The following RBMS3 variants were observed in gnomAD, a reference collection of about 807,000 sequenced individuals.
RBMS3 encodes RNA binding motif single stranded interacting protein 3, also known as RNA-binding motif, single-stranded-interacting protein 3.
RBMS3 carries 27 observed loss-of-function variants against 66.8 expected under a neutral mutation model. The observed-to-expected ratio is 0.40, with a 90% confidence interval of 0.30 to 0.56. The LOEUF is 0.56. Ranked by LOEUF, RBMS3 falls within the 20% of genes least tolerant of loss-of-function variation. The probability of loss-of-function intolerance (pLI) is 0.40; values close to 1 mark genes in which losing one functional copy is unlikely to be tolerated. For synonymous variants in RBMS3, 188 were observed against 183.0 expected (o/e 1.03, Z -0.22); for missense variants, 513 against 549.5 (o/e 0.93, Z 0.66).
intron 6 of RBMS3, among the ~76,000 whole-genome samples, chr3:29,790,293 A>G (rs1005085260): frequency 6.6e-6 from 1 of 152,198 alleles, no homozygotes; most frequent in Non-Finnish European, 1.5e-5. Context: ...TATAAAGGTT[A>G]AATCTCATAT....
At position 29,735,277 on chromosome 3, in the gene RBMS3, T is replaced by G. The variant is rs181499368; in HGVS notation, c.400-4443T>G. Among the ~76,000 whole-genome samples, 12 of 152,236 alleles carry G rather than the reference T, an allele frequency of 7.9e-5. No individual in the cohort carries two copies. The East Asian group carries it at 2.1e-3, about 27-fold the overall frequency. On this transcript the variant is annotated intron_variant, in intron 4 of 14. Coordinates refer to ENST00000383767, the MANE Select transcript of RBMS3 (RefSeq NM_001003793.3). Reference sequence around the variant, plus strand: ...TCTGATTTTGACAGCATACATACACTAAAAACCTGAGAAAAAGGAAGTCAT... The same window carrying G: ...TCTGATTTTGACAGCATACATACACGAAAAACCTGAGAAAAAGGAAGTCAT...
intron 1 of RBMS3, among the ~76,000 whole-genome samples, chr3:29,292,945 T>C (rs1304018431): frequency 1.3e-5 from 2 of 151,870 alleles, no homozygotes; most frequent in East Asian, 3.9e-4. Flanking sequence ...TAATTTGATG[T>C]GGAGGGGTCC....
At position 29,368,808 on chromosome 3, in the gene RBMS3, A is replaced by C. The variant is rs1301551652; in HGVS notation, c.76-65935A>C. Among the ~76,000 whole-genome samples the C allele has an allele frequency of 2.0e-5, 3 of 152,180 alleles. No homozygotes were observed. The East Asian group carries it at 5.8e-4, about 29-fold the overall frequency. On this transcript the variant is annotated intron_variant, in intron 1 of 14. Transcript: ENST00000383767. ...AAAGAGAAATACCATTCGACCCAGC[A>C]ATCCCATTACTGAGTATATACCCAA...
intron 1 of RBMS3, among the ~76,000 whole-genome samples, chr3:29,389,787 A>G (rs999154006): frequency 6.6e-6 from 1 of 152,076 alleles, no homozygotes; most frequent in Non-Finnish European, 1.5e-5. Flanking sequence ...ACTAAATGGA[A>G]GTTGTAGTTT....
chr3:29,776,565 G>C (rs954658780), intron 6 of RBMS3, among the ~76,000 whole-genome samples: 2 of 151,936 alleles, frequency 1.3e-5, no homozygotes, highest in African/African-American at 4.8e-5. Context: ...TCCTTTACAA[G>C]TGTTTCTAGA....
At chr3:29,323,667 G>A (rs1312109309) in intron 1 of RBMS3, among the ~76,000 whole-genome samples, 1 of 139,130 alleles carries the variant, frequency 7.2e-6, no homozygotes, top group Non-Finnish European at 1.5e-5. Flanking sequence ...TCTGATATTG[G>A]ACACATACAG....
chr3:29,619,975 T>C (rs995603275), intron 4 of RBMS3, among the ~76,000 whole-genome samples: 1 of 152,086 alleles, frequency 6.6e-6, no homozygotes, highest in Admixed American at 6.6e-5. Context: ...ATTGTATTTA[T>C]TGAAAGCTTG....
chr3:29,952,535 A>T (rs1400081266), intron 12 of RBMS3, among the ~76,000 whole-genome samples: 1 of 151,850 alleles, frequency 6.6e-6, no homozygotes, highest in Non-Finnish European at 1.5e-5. Flanking sequence ...TTTTAATTAC[A>T]TATTATGTCT....
intron 14 of RBMS3, among the ~76,000 whole-genome samples, chr3:29,992,473 C>G (rs538561264): frequency 4.1e-4 from 62 of 152,146 alleles, no homozygotes; most frequent in South Asian, 1.7e-3. Context: ...TGTAGTCCCA[C>G]CTACTCTGGG....
chr3:29,317,331 A>T (rs1398579069), intron 1 of RBMS3, among the ~76,000 whole-genome samples: 2 of 151,696 alleles, frequency 1.3e-5, no homozygotes, highest in Non-Finnish European at 2.9e-5. Context: ...TCCAGATAGG[A>T]TATTCTTTAG....
intron 4 of RBMS3, among the ~76,000 whole-genome samples, chr3:29,684,967 C>T (rs1340185300): frequency 6.6e-6 from 1 of 151,924 alleles, no homozygotes; most frequent in Non-Finnish European, 1.5e-5. Context: ...TTTAATTTTC[C>T]TGTTACTATG....
At chr3:29,620,471 G>A (rs2048827420) in intron 4 of RBMS3, among the ~76,000 whole-genome samples, 1 of 152,044 alleles carries the variant, frequency 6.6e-6, no homozygotes, top group Non-Finnish European at 1.5e-5. Context: ...ATGACTAAGA[G>A]AATCTTAGGG....
intron 1 of RBMS3, among the ~76,000 whole-genome samples, chr3:29,307,516 G>A (rs1267860869): frequency 6.6e-6 from 1 of 151,726 alleles, no homozygotes; most frequent in African/African-American, 2.4e-5. Flanking sequence ...TAAAGAGCAG[G>A]GAAACCCAGG....
intron 1 of RBMS3, among the ~76,000 whole-genome samples, chr3:29,394,887 T>G (rs954284527): frequency 1.3e-5 from 2 of 151,902 alleles, no homozygotes; most frequent in Middle Eastern, 3.4e-3. Flanking sequence ...TCTTTTCCAC[T>G]CCGCATTCCA....
chr3:29,808,001 G>A (rs143216522), intron 6 of RBMS3, among the ~76,000 whole-genome samples: 61 of 151,932 alleles, frequency 4.0e-4, no homozygotes, highest in African/African-American at 1.4e-3. Context: ...TTGAGTCAAA[G>A]CTGTGGTAAC....
At chr3:29,977,897 T>C (rs1006630768) in intron 12 of RBMS3, among the ~76,000 whole-genome samples, 2 of 150,746 alleles carry the variant, frequency 1.3e-5, no homozygotes, top group African/African-American at 5.0e-5. Flanking sequence ...CTAGCTTTTG[T>C]GAGGCTCTAG....
In RBMS3 at chr3:29,591,807, C is replaced by T. The variant is rs778681877; in HGVS notation, c.399+4602C>T. ...TATATCTTATTCTAGAGGAAATGTC[C>T]GCAGAAAAGAAGTCACTCCCTCTCA... On this transcript the variant is annotated intron_variant, in intron 4 of 14. Coordinates refer to ENST00000383767, the MANE Select transcript of RBMS3 (RefSeq NM_001003793.3). Among the ~76,000 whole-genome samples, 284 of 152,032 alleles carry T rather than the reference C, an allele frequency of 1.9e-3. 4 individuals are homozygous for T. Among genetic ancestry groups the T allele is most frequent in the Non-Finnish European group, 2.9e-3 (196 of 68,008 alleles).
Position 29,495,420 on chromosome 3 carries a change from T to TC in RBMS3, c.307+6921_307+6922insC, listed in dbSNP as rs199683770. Among the ~76,000 whole-genome samples, 603 of 144,676 alleles carry TC rather than the reference T, an allele frequency of 4.2e-3. 2 individuals are homozygous for TC. The highest frequency in any genetic ancestry group is 0.015 in the African/African-American group (577 of 39,378). The allele number at this position is 144,676 out of a possible 152,430, so 94.9% of individuals were successfully genotyped here. A position where few individuals can be genotyped will look rare whatever the true frequency, so the allele number is the denominator to read the frequency against. On this transcript the variant is annotated intron_variant, in intron 3 of 14. Transcript: ENST00000383767. ...TGAGGGAAATACATATTTCTTTCTT[T>TC]TTTTTTTTTTTTTTTTTTGAGACAT...
intron 12 of RBMS3, among the ~76,000 whole-genome samples, chr3:29,964,769 A>T (rs1696719410): frequency 6.6e-6 from 1 of 152,198 alleles, no homozygotes. Flanking sequence ...GTATTTGGTT[A>T]CATGAGTAAG....
Sources: allele counts gnomAD v4.1 joint callset (sites outside exome capture counted in the v4.1 genomes callset), GRCh38; gene constraint gnomAD v4.1.1; transcripts MANE v1.5; gene names NCBI Gene and HGNC (gene_info 2026-07-23, HGNC 2026-07-21).